The following RASGRF2 variants were observed in gnomAD, a reference collection of about 807,000 sequenced individuals.
RASGRF2 encodes the protein Ras protein specific guanine nucleotide releasing factor 2.
Under a neutral mutation model 151.0 loss-of-function variants are expected in RASGRF2, and 76 were observed. The ratio of observed to expected loss-of-function variants is 0.50; its 90% CI spans 0.42 to 0.61. The LOEUF (loss-of-function observed/expected upper bound fraction) is 0.61, where lower values mean the gene tolerates loss of function less well. Among genes scored for constraint, RASGRF2 ranks in the 20% least tolerant of loss-of-function variants. The probability of loss-of-function intolerance (pLI) is 0.00; values close to 1 mark genes in which losing one functional copy is unlikely to be tolerated. For missense variants in RASGRF2, 1,148 were observed against 1,564.6 expected, an observed-to-expected ratio of 0.73 and a Z score of 4.49; for synonymous variants, 504 against 566.5, an observed-to-expected ratio of 0.89 and a Z score of 1.57.
At chr5:81,026,177 T>G (rs1449702402) in intron 1 of RASGRF2, among the ~76,000 whole-genome samples, 1 of 146,992 alleles carries the variant, frequency 6.8e-6, no homozygotes, top group Non-Finnish European at 1.5e-5. Flanking sequence ...CCTCCCTTCC[T>G]CCCTTCCTTC....
chr5:81,188,035 A>G (rs779573189), intron 18 of RASGRF2, among the ~76,000 whole-genome samples: 2 of 152,154 alleles, frequency 1.3e-5, no homozygotes, highest in Admixed American at 6.5e-5. Flanking sequence ...GAAAGAAACA[A>G]CCAGCTATTG....
Position 81,212,478 on chromosome 5 carries a change from A to G in RASGRF2, c.3269A>G (p.Tyr1090Cys), listed in dbSNP as rs1166499503. 1 of 1,613,722 alleles carries G rather than the reference A, an allele frequency of 6.2e-7. No homozygotes were observed. The highest frequency in any genetic ancestry group is 2.2e-5 in the East Asian group (1 of 44,896). The change falls in exon 23 of 27, where the codon TAC becomes TGC. Residue 1090 changes from tyrosine to cysteine, a missense_variant. Tyr to Cys is a radical substitution (Grantham distance 194, BLOSUM62 -2). Transcript: ENST00000265080. ...GACATCTGCCGATGCCTGCACAACT[A>G]CAACGGCGTGCTGGAGATCACCTCG... ...VADICRCLHN[Y>C]NGVLEITSAL...
intron 15 of RASGRF2, among the ~76,000 whole-genome samples, chr5:81,121,977 C>T (rs1389539388): frequency 6.6e-6 from 1 of 152,140 alleles, no homozygotes; most frequent in Non-Finnish European, 1.5e-5. Context: ...AAAGTGCTCC[C>T]GATTTTAGCA....
At chr5:81,046,150 T>A (rs1358386684) in intron 2 of RASGRF2, among the ~76,000 whole-genome samples, 1 of 152,232 alleles carries the variant, frequency 6.6e-6, no homozygotes, top group Non-Finnish European at 1.5e-5. Context: ...CTCCTGTAGA[T>A]GCCACTTAGA....
intron 17 of RASGRF2, among the ~76,000 whole-genome samples, chr5:81,152,178 T>A (rs1754152760): frequency 6.6e-6 from 1 of 152,176 alleles, no homozygotes; most frequent in African/African-American, 2.4e-5. Flanking sequence ...ATTTTTGTAT[T>A]TTTGGTAGAG....
chr5:81,105,005 C>A (rs1338597724), intron 12 of RASGRF2, among the ~76,000 whole-genome samples: 1 of 152,146 alleles, frequency 6.6e-6, no homozygotes, highest in East Asian at 1.9e-4. Flanking sequence ...GTGAACTGGG[C>A]AGATTGGTCT....
chr5:81,021,126 G>A (rs2112336775), intron 1 of RASGRF2, among the ~76,000 whole-genome samples: 1 of 152,316 alleles, frequency 6.6e-6, no homozygotes, highest in Middle Eastern at 3.4e-3. Flanking sequence ...ATGAAAACAT[G>A]GAGAATGGGG....
intron 18 of RASGRF2, among the ~76,000 whole-genome samples, chr5:81,194,091 C>G (rs185056559): frequency 6.6e-6 from 1 of 151,926 alleles, no homozygotes; most frequent in Admixed American, 6.6e-5. Context: ...CATCTGTAAT[C>G]CCAGCATTTC....
chr5:81,158,201 C>G (rs1754306103), intron 17 of RASGRF2, among the ~76,000 whole-genome samples: 1 of 152,092 alleles, frequency 6.6e-6, no homozygotes, highest in African/African-American at 2.4e-5. Context: ...AACTGAATTC[C>G]AGGATTCTAG....
chr5:81,158,497 C>T (rs919552551), intron 17 of RASGRF2, among the ~76,000 whole-genome samples: 6 of 151,984 alleles, frequency 3.9e-5, no homozygotes, highest in Non-Finnish European at 8.8e-5. Flanking sequence ...TCAAAAGACA[C>T]CCTCGAGAAA....
intron 1 of RASGRF2, among the ~76,000 whole-genome samples, chr5:80,978,857 A>C: frequency 6.6e-6 from 1 of 152,204 alleles, no homozygotes; most frequent in South Asian, 2.1e-4. Flanking sequence ...GGATTCTGAT[A>C]CTTTACTGAA....
At position 81,092,320 on chromosome 5, in the gene RASGRF2, T is replaced by G. The variant is rs564745005; in HGVS notation, c.1391-481T>G. Among the ~76,000 whole-genome samples, 3 of 56,904 alleles carry G rather than the reference T, an allele frequency of 5.3e-5. No homozygotes were observed. The East Asian group carries it at 1.7e-3, about 32-fold the overall frequency. 37.3% of individuals were successfully genotyped at this position (56,904 alleles called of 152,430 possible). Reference sequence around the variant, plus strand: ...ATATATTTTTATAATATACATGTATTGTACATTCTATTTTTAAAATACAAG... The same window carrying G: ...ATATATTTTTATAATATACATGTATGGTACATTCTATTTTTAAAATACAAG... On this transcript the variant is annotated intron_variant, in intron 9 of 26. Transcript: ENST00000265080.
chr5:81,006,974 G>T (rs1036327693), intron 1 of RASGRF2, among the ~76,000 whole-genome samples: 1 of 152,012 alleles, frequency 6.6e-6, no homozygotes, highest in African/African-American at 2.4e-5. Context: ...TCCTAAAAAT[G>T]GTTTACTAAC....
intron 1 of RASGRF2, among the ~76,000 whole-genome samples, chr5:80,971,879 TTTTTA>T (rs1351042907): frequency 6.6e-6 from 1 of 151,696 alleles, no homozygotes; most frequent in African/African-American, 2.4e-5. Context: ...CCCCAGCTAA[TTTTTA>T]TTTTATTTTA....
chr5:80,972,799 T>G (rs1028156499), intron 1 of RASGRF2, among the ~76,000 whole-genome samples: 4 of 152,224 alleles, frequency 2.6e-5, no homozygotes, highest in African/African-American at 9.6e-5. Flanking sequence ...TTCGAAGTGC[T>G]TGTTCAACCT....
chr5:81,188,304 T>C (rs1445573376), intron 18 of RASGRF2, among the ~76,000 whole-genome samples: 1 of 152,246 alleles, frequency 6.6e-6, no homozygotes, highest in Non-Finnish European at 1.5e-5. Context: ...GCCTCTCTGC[T>C]GTGAATAGGG....
Position 81,089,200 on chromosome 5 carries a change from G to A in RASGRF2, c.1390+2247G>A, listed in dbSNP as rs956314443. The stretch of plus-strand genomic sequence containing the variant: ...TAACGACTTTAAGACCCATTGAGGC[G>A]TTTTCAAAAATTATTATTTTAAAAA... On this transcript the variant is annotated intron_variant, in intron 9 of 26. Coordinates refer to ENST00000265080, the MANE Select transcript of RASGRF2 (RefSeq NM_006909.3). 3.3e-5 allele frequency among the ~76,000 whole-genome samples: 5 copies of A among 152,050 alleles called. 1 individual carries two copies. In the South Asian group the frequency reaches 8.3e-4, roughly 25 times the overall value.
chr5:81,221,173 C>T, intron 26 of RASGRF2, among the ~76,000 whole-genome samples: 1 of 152,116 alleles, frequency 6.6e-6, no homozygotes, highest in Admixed American at 6.5e-5. Flanking sequence ...CTGGGTGTCT[C>T]CACTGTAAAG....
intron 18 of RASGRF2, among the ~76,000 whole-genome samples, chr5:81,187,220 GC>G (rs1561250967): frequency 6.6e-6 from 1 of 152,204 alleles, no homozygotes; most frequent in Non-Finnish European, 1.5e-5. Context: ...ATGTCATGGT[GC>G]CCAGTACAGT....
Sources: gnomAD v4.1 joint callset for allele counts (sites outside exome capture counted in the v4.1 genomes callset) on GRCh38, gnomAD v4.1.1 for gene constraint, MANE v1.5 for transcripts, NCBI Gene and HGNC (gene_info 2026-07-23, HGNC 2026-07-21) for gene names.